Variants in OR3A2 observed in about 807,000 individuals in gnomAD.
OR3A2 encodes the protein olfactory receptor 3A2.
For missense variants in OR3A2, 318 were observed against 392.8 expected, an observed-to-expected ratio of 0.81 and a Z score of 1.61; for synonymous variants, 126 against 159.3, an observed-to-expected ratio of 0.79 and a Z score of 1.57.
chr17:3,363,125 G>A lies in OR3A2; in HGVS notation c.-179+20679C>T, dbSNP rs576196397. Reference sequence around the variant, plus strand: ...CTGGAGACATTTTCCCCATTGTCTTGGCTCCCCATTAAATATGCAAATTTC... The same window carrying A: ...CTGGAGACATTTTCCCCATTGTCTTAGCTCCCCATTAAATATGCAAATTTC... On this transcript the variant is annotated intron_variant, in intron 2 of 4. Transcript: ENST00000573491. Among the ~76,000 whole-genome samples the A allele has an allele frequency of 5.5e-4, 83 of 151,874 alleles. 2 individuals are homozygous for A. Among genetic ancestry groups the A allele is most frequent in the African/African-American group, 1.9e-3 (77 of 41,198 alleles).
chr17:3,341,569 T>C lies in OR3A2; in HGVS notation c.-178-5443A>G, dbSNP rs544087947. Reference sequence around the variant, plus strand: ...AAATTCTGGGTTGAAAATTCTTTTCTTTAAGAATGTTGAATATTGGCCCCC... The same window carrying C: ...AAATTCTGGGTTGAAAATTCTTTTCCTTAAGAATGTTGAATATTGGCCCCC... On this transcript the variant is annotated intron_variant, in intron 2 of 4. Coordinates refer to the OR3A2 transcript ENST00000573491. Among the ~76,000 whole-genome samples the C allele has an allele frequency of 3.0e-4, 45 of 152,240 alleles. 2 individuals carry two copies. Among genetic ancestry groups the C allele is most frequent in the Admixed American group, 2.0e-3 (30 of 15,292 alleles).
At chr17:3,285,424 T>C (rs2048802257), upstream of OR3A2, among the ~76,000 whole-genome samples, 1 of 152,216 alleles carries the variant, frequency 6.6e-6, no homozygotes, top group Non-Finnish European at 1.5e-5. Flanking sequence ...AGAGCACTGC[T>C]GTGAACATTA....
intron 2 of OR3A2, among the ~76,000 whole-genome samples, chr17:3,350,696 A>T (rs1355070228): frequency 2.0e-5 from 3 of 151,590 alleles, no homozygotes; most frequent in African/African-American, 7.3e-5. Flanking sequence ...GGCCAGCATC[A>T]TCCTGATACC....
rs1221018910 is a variant in OR3A2, at chr17:3,329,176, T to C, written c.-85+6857A>G. Among the ~76,000 whole-genome samples the C allele has an allele frequency of 1.3e-5, 2 of 151,962 alleles. 1 individual carries two copies. Among genetic ancestry groups the C allele is most frequent in the African/African-American group, 4.8e-5 (2 of 41,254 alleles). On this transcript the variant is annotated intron_variant, in intron 3 of 4. Transcript: ENST00000573491. ...AGGATATTGGTCTAAAATTCTCTTT[T>C]TTGGTTGTGACTCTGCCCGGCTTTG...
intron 2 of OR3A2, among the ~76,000 whole-genome samples, chr17:3,372,853 G>GGGAGAGGGAGAA (rs1567571713): frequency 5.5e-4 from 10 of 18,296 alleles, no homozygotes; most frequent in African/African-American, 1.6e-3. Context: ...GAGAAGGAGA[G>GGGAGAGGGAGAA]GGAGAGGGAG....
exon 2 of OR3A2, chr17:3,278,064 T>C (rs2048751716): frequency 6.2e-7 from 1 of 1,614,146 alleles, no homozygotes; most frequent in South Asian, 1.1e-5. Flanking sequence ...CAGCATAGGG[T>C]TGATAACAGT....
At chr17:3,309,404 T>G (rs1567549774) in intron 3 of OR3A2, among the ~76,000 whole-genome samples, 1 of 152,084 alleles carries the variant, frequency 6.6e-6, no homozygotes, top group Non-Finnish European at 1.5e-5. Context: ...GTTGGAGGCA[T>G]GGGGAATTCA....
At chr17:3,277,665 G>A (rs1429400835) in exon 2 of OR3A2, 1 of 275,188 alleles carries the variant, frequency 3.6e-6, no homozygotes. Flanking sequence ...ATCATCATGT[G>A]GTATATATGA....
intron 3 of OR3A2, among the ~76,000 whole-genome samples, chr17:3,322,106 T>C (rs1006464300): frequency 2.6e-5 from 4 of 152,166 alleles, no homozygotes; most frequent in African/African-American, 9.7e-5. Flanking sequence ...CTTGGGAGGA[T>C]GTACGTGTCG....
chr17:3,301,702 C>T (rs4625753), intron 3 of OR3A2, among the ~76,000 whole-genome samples: 71,234 of 151,848 alleles, frequency 0.47, 18,150 homozygotes, highest in East Asian at 0.96. Context: ...TAATTAGGTC[C>T]CATTTGTCAA....
intron 3 of OR3A2, among the ~76,000 whole-genome samples, chr17:3,329,048 C>A (rs1319171779): frequency 1.3e-5 from 2 of 150,836 alleles, no homozygotes; most frequent in African/African-American, 4.9e-5. Flanking sequence ...GCCTTGCATC[C>A]CAGGGATGAA....
intron 3 of OR3A2, among the ~76,000 whole-genome samples, chr17:3,307,428 G>A (rs1483324335): frequency 6.6e-6 from 1 of 152,220 alleles, no homozygotes; most frequent in African/African-American, 2.4e-5. Flanking sequence ...AAGCCACTAT[G>A]AGTTTCCTCA....
At chr17:3,342,679 T>A (rs2049329385) in intron 2 of OR3A2, among the ~76,000 whole-genome samples, 1 of 152,154 alleles carries the variant, frequency 6.6e-6, no homozygotes, top group Admixed American at 6.5e-5. Context: ...CACCTGGCTG[T>A]ATGAGGTGTC....
chr17:3,315,662 T>G (rs8066365), intron 3 of OR3A2, among the ~76,000 whole-genome samples: 20,933 of 151,852 alleles, frequency 0.14, 1,779 homozygotes, highest in African/African-American at 0.24. Context: ...GCTGATGGTT[T>G]ATTTTGCTAT....
chr17:3,276,417 A>T (rs2955821), downstream of OR3A2, among the ~76,000 whole-genome samples: 107,089 of 152,186 alleles, frequency 0.7, 39,197 homozygotes, highest in East Asian at 1. Context: ...TCAGAGGCGT[A>T]AACTCTGAAC....
chr17:3,306,668 C>T (rs2049002445), intron 3 of OR3A2, among the ~76,000 whole-genome samples: 1 of 115,502 alleles, frequency 8.7e-6, no homozygotes, highest in African/African-American at 3.6e-5. Flanking sequence ...TCACTGTGCT[C>T]TACTACTCTT....
intron 2 of OR3A2, among the ~76,000 whole-genome samples, chr17:3,347,097 T>TA (rs2049371203): frequency 6.6e-6 from 1 of 152,136 alleles, no homozygotes; most frequent in African/African-American, 2.4e-5. Flanking sequence ...TATTTCTACT[T>TA]TATTGAGGAA....
chr17:3,298,398 C>T (rs2048937225), intron 3 of OR3A2: 2 of 152,192 alleles, frequency 1.3e-5, no homozygotes, highest in Non-Finnish European at 2.9e-5. Flanking sequence ...GATCGTGACT[C>T]AATACAACCC....
At chr17:3,307,922 G>C (rs143010445) in intron 3 of OR3A2, among the ~76,000 whole-genome samples, 2 of 152,278 alleles carry the variant, frequency 1.3e-5, no homozygotes, top group African/African-American at 4.8e-5. Flanking sequence ...TGATGGGCTG[G>C]ATTAAATCAG....
Sources: allele counts gnomAD v4.1 joint callset (sites outside exome capture counted in the v4.1 genomes callset), GRCh38; gene constraint gnomAD v4.1.1; transcripts MANE v1.5; gene names NCBI Gene and HGNC (gene_info 2026-07-23, HGNC 2026-07-21).